Variants in AVP observed in about 807,000 individuals in gnomAD.
The protein encoded by AVP is arginine vasopressin.
AVP carries 9 observed loss-of-function variants against 11.1 expected under a neutral mutation model. The ratio of observed to expected loss-of-function variants is 0.81; its 90% CI spans 0.49 to 1.42. The LOEUF is 1.42. Ranked by LOEUF, AVP falls within the 40% of genes most tolerant of loss-of-function variation. The probability of loss-of-function intolerance (pLI) is 0.00; values close to 1 mark genes in which losing one functional copy is unlikely to be tolerated. For synonymous variants in AVP, 106 were observed against 111.3 expected (o/e 0.95, Z 0.30); for missense variants, 206 against 238.5 (o/e 0.86, Z 0.90).
At position 3,082,692 on chromosome 20, in the gene AVP, G is replaced by T. The variant is rs1044716891; in HGVS notation, c.433C>A (p.Arg145=). The T allele has an allele frequency of 3.1e-5, 40 of 1,292,370 alleles. No individual in the cohort carries two copies. The African/African-American group carries it at 5.4e-4, about 17-fold the overall frequency. 80.1% of individuals were successfully genotyped at this position (1,292,370 alleles called of 1,614,324 possible). ...GGCGCCCCGGCCAGCTGCACCAGCCGCAGCAGCAAGGCCCCGGCCGGCCCG... is the reference window on the plus strand; with the variant it reads ...GGCGCCCCGGCCAGCTGCACCAGCCTCAGCAGCAAGGCCCCGGCCGGCCCG... ...LDGPAGALLL[R]LVQLAGAPEP... Residue 145 remains arginine (R), a synonymous_variant, in exon 3 of 3, where the codon CGG becomes AGG. Transcript: ENST00000380293. The surrounding 1 kb of genome is among the most constrained non-coding windows in gnomAD (Gnocchi z 4.7).
intron 1 of AVP, 45 bp downstream of exon 1, chr20:3,084,510 A>G (rs1337575747): frequency 6.2e-7 from 1 of 1,612,546 alleles, no homozygotes; most frequent in East Asian, 2.2e-5. Context: ...GGGTGTCAGC[A>G]CTGCCCGCTA....
chr20:3,084,675 C>A lies in AVP; in HGVS notation c.-1G>T. 1 of 1,613,218 alleles carries A rather than the reference C, an allele frequency of 6.2e-7. No homozygotes were observed. Among genetic ancestry groups the A allele is most frequent in the Non-Finnish European group, 8.5e-7 (1 of 1,180,018 alleles). On this transcript the variant is annotated 5_prime_UTR_variant, in exon 1 of 3. Coordinates refer to ENST00000380293, the MANE Select transcript of AVP (RefSeq NM_000490.5). ...AGGCGGGCAGCATGGTGTCAGGCAT[C>A]CTGGTGCACACAGGTGGACCCCGTA...
Position 3,082,651 on chromosome 20 carries a change from G to A in AVP, c.474C>T (p.Pro158=). Residue 158 remains proline, a synonymous_variant, in exon 3 of 3, where the codon CCC becomes CCT. Transcript: ENST00000380293. This position sits in a 1 kb window ranked among gnomAD's most constrained non-coding sequence, Gnocchi z 4.7. ...GGGCTCAGTAGGCGTCGGGCTGGGCGGGCTCGAAGGGCTCGGGCGCCCCGG... is the reference window on the plus strand; with the variant it reads ...GGGCTCAGTAGGCGTCGGGCTGGGCAGGCTCGAAGGGCTCGGGCGCCCCGG... ...QLAGAPEPFE[P]AQPDAY is the part of the protein sequence containing the mutation. The A allele has an allele frequency of 7.8e-7, 1 of 1,277,278 alleles. No homozygotes were observed. Among genetic ancestry groups the A allele is most frequent in the East Asian group, 3.2e-5 (1 of 31,496 alleles). The allele number at this position is 1,277,278 out of a possible 1,614,324, so 79.1% of individuals were successfully genotyped here. A position where few individuals can be genotyped will look rare whatever the true frequency, so the allele number is the denominator to read the frequency against.
rs1159441029 is a variant in AVP at position 3,082,756 on chromosome 20, G to A, written c.369C>T (p.Arg123=). ...CGTTGCTCCGGTCGCTGGCGCGGGC[G>A]CGGCGGTGAAAGCCCTCGCGGCACT... ...EPECREGFHR[R]ARASDRSNAT... is the part of the protein sequence containing the mutation. Residue 123 remains arginine (R), a synonymous_variant, in exon 3 of 3, where the codon CGC becomes CGT. Coordinates refer to ENST00000380293, the MANE Select transcript of AVP (RefSeq NM_000490.5). The surrounding 1 kb of genome is among the most constrained non-coding windows in gnomAD (Gnocchi z 4.7). 7.9e-7 allele frequency: 1 copy of A among 1,273,044 alleles called. No homozygotes were observed. Among genetic ancestry groups the A allele is most frequent in the Non-Finnish European group, 9.9e-7 (1 of 1,011,886 alleles). 78.9% of individuals were successfully genotyped at this position (1,273,044 alleles called of 1,614,324 possible). A position where few individuals can be genotyped will look rare whatever the true frequency, so the allele number is the denominator to read the frequency against.
In AVP at chr20:3,083,189, G is replaced by C. The variant is rs932479311; in HGVS notation, c.121-11C>G. On this transcript the variant is annotated splice_polypyrimidine_tract_variant and intron_variant, in intron 1 of 2. Transcript: ENST00000380293. The surrounding 1 kb of genome is among the most constrained non-coding windows in gnomAD (Gnocchi z 5.4). ...GCCGCAGGGGAGGCACTGCGGGGAC[G>C]GGCGGGGTGAGCGGGAGGAGGGGAG... The C allele has an allele frequency of 6.8e-6, 10 of 1,468,166 alleles. No homozygotes were observed. The East Asian group carries it at 1.8e-4, about 26-fold the overall frequency. 90.9% of individuals were successfully genotyped at this position (1,468,166 alleles called of 1,614,324 possible).
chr20:3,082,587 A>C lies in AVP; in HGVS notation c.*43T>G. 12 of 1,235,404 alleles carry C rather than the reference A, an allele frequency of 9.7e-6. No individual in the cohort carries two copies. Among genetic ancestry groups the C allele is most frequent in the Middle Eastern group, 3.1e-4 (1 of 3,186 alleles). The allele number at this position is 1,235,404 out of a possible 1,614,324, so 76.5% of individuals were successfully genotyped here. A position where few individuals can be genotyped will look rare whatever the true frequency, so the allele number is the denominator to read the frequency against. ...GGCGGAGGTTTATTGTCCGTGCTGC[A>C]GGGGCGGGCGCGAAGAGCGCGCCGG... On this transcript the variant is annotated 3_prime_UTR_variant, in exon 3 of 3. Coordinates refer to ENST00000380293, the MANE Select transcript of AVP (RefSeq NM_000490.5). This position sits in a 1 kb window ranked among gnomAD's most constrained non-coding sequence, Gnocchi z 4.7.
chr20:3,083,152 T>G lies in AVP; in HGVS notation c.147A>C (p.Lys49Asn). 1 of 1,512,784 alleles carries G rather than the reference T, an allele frequency of 6.6e-7. No individual in the cohort carries two copies. Among genetic ancestry groups the G allele is most frequent in the Non-Finnish European group, 8.8e-7 (1 of 1,137,954 alleles). The allele number at this position is 1,512,784 out of a possible 1,614,324, so 93.7% of individuals were successfully genotyped here. ...RQCLPCGPGG[K>N]GRCFGPSICC... is the part of the protein sequence containing the mutation. The stretch of plus-strand genomic sequence containing the variant: ...AGATGCTGGGCCCGAAGCAGCGGCC[T>G]TTGCCCCCGGGGCCGCAGGGGAGGC... The change falls in exon 2 of 3, where the codon AAA becomes AAC. Residue 49 changes from lysine (K) to asparagine (N), a missense_variant. By Grantham distance (94) the Lys-to-Asn change is moderately conservative (BLOSUM62 0). This residue lies in a region of AVP where 100 missense variants were observed against 149.3 expected (regional missense o/e 0.67). Coordinates refer to ENST00000380293, the MANE Select transcript of AVP (RefSeq NM_000490.5). The surrounding 1 kb of genome is among the most constrained non-coding windows in gnomAD (Gnocchi z 5.4).
At chr20:3,084,253 T>C (rs926307882) in intron 1 of AVP, among the ~76,000 whole-genome samples, 1 of 152,106 alleles carries the variant, frequency 6.6e-6, no homozygotes, top group African/African-American at 2.4e-5. Flanking sequence ...TGATGCCCCG[T>C]TCTCCCTATC....
At position 3,082,792 on chromosome 20, in the gene AVP, C is replaced by A. The variant is rs1163265042; in HGVS notation, c.333G>T (p.Val111=). Reference sequence around the variant, plus strand: ...AGCCCTCGCGGCACTCGGGCTCGGTCACGCAGCTCTCTGCCGGGAGGACGT... The same window carrying A: ...AGCCCTCGCGGCACTCGGGCTCGGTAACGCAGCTCTCTGCCGGGAGGACGT... The part of the protein sequence containing the change: ...FGVCCNDESC[V]TEPECREGFH... The change falls in exon 3 of 3, where the codon GTG becomes GTT. Residue 111 remains valine (V), a synonymous_variant. Coordinates refer to ENST00000380293, the MANE Select transcript of AVP (RefSeq NM_000490.5). This position sits in a 1 kb window ranked among gnomAD's most constrained non-coding sequence, Gnocchi z 4.7. The A allele has an allele frequency of 1.6e-6, 2 of 1,248,774 alleles. No individual in the cohort carries two copies. The highest frequency in any genetic ancestry group is 6.1e-5 in the South Asian group (2 of 33,008). 77.4% of individuals were successfully genotyped at this position (1,248,774 alleles called of 1,614,324 possible).
rs769735284 is a variant in AVP at position 3,082,925 on chromosome 20, C to A, written c.322+52G>T. On this transcript the variant is annotated intron_variant, in intron 2 of 2. Transcript: ENST00000380293. The surrounding 1 kb of genome is among the most constrained non-coding windows in gnomAD (Gnocchi z 4.7). ...CCCCGCCGCAGGCCCGCGTCCCCCC[C>A]ACCCAAGCGGTCTGCGCCCCCCCCA... The A allele has an allele frequency of 1.7e-5, 19 of 1,093,774 alleles. No homozygotes were observed. The highest frequency in any genetic ancestry group is 2.2e-5 in the Non-Finnish European group (19 of 872,406). The allele number at this position is 1,093,774 out of a possible 1,614,324, so 67.8% of individuals were successfully genotyped here.
rs2066123746 is a variant in AVP, at chr20:3,083,752, AG to A, written c.121-575del. On this transcript the variant is annotated intron_variant, in intron 1 of 2. Coordinates refer to ENST00000380293, the MANE Select transcript of AVP (RefSeq NM_000490.5). This position sits in a 1 kb window ranked among gnomAD's most constrained non-coding sequence, Gnocchi z 5.4. Reference sequence around the variant, plus strand: ...ACCTATGACCTATCAGGTGGGTGGCAGGGGCCTGAGACCTAGAGGCGAGCAC... The same window carrying A: ...ACCTATGACCTATCAGGTGGGTGGCAGGGCCTGAGACCTAGAGGCGAGCAC... 6.6e-6 allele frequency among the ~76,000 whole-genome samples: 1 copy of A among 152,176 alleles called. No individual in the cohort carries two copies. The highest frequency in any genetic ancestry group is 6.5e-5 in the Admixed American group (1 of 15,278).
intron 1 of AVP, 104 bp downstream of exon 1, chr20:3,084,451 T>C: frequency 6.3e-7 from 1 of 1,589,392 alleles, no homozygotes. Context: ...GAACTTCCCC[T>C]AAAGGCTACC....
Position 3,083,164 on chromosome 20 carries a change from G to C in AVP, c.135C>G (p.Gly45=). The C allele has an allele frequency of 2.0e-6, 3 of 1,503,212 alleles. No individual in the cohort carries two copies. Among genetic ancestry groups the C allele is most frequent in the East Asian group, 5.5e-5 (2 of 36,384 alleles). 93.1% of individuals were successfully genotyped at this position (1,503,212 alleles called of 1,614,324 possible). The part of the protein sequence containing the change: ...DLELRQCLPC[G]PGGKGRCFGP... ...CGAAGCAGCGGCCTTTGCCCCCGGGGCCGCAGGGGAGGCACTGCGGGGACG... is the reference window on the plus strand; with the variant it reads ...CGAAGCAGCGGCCTTTGCCCCCGGGCCCGCAGGGGAGGCACTGCGGGGACG... The change falls in exon 2 of 3, where the codon GGC becomes GGG. Residue 45 remains glycine (G), a synonymous_variant. Coordinates refer to ENST00000380293, the MANE Select transcript of AVP (RefSeq NM_000490.5). This position sits in a 1 kb window ranked among gnomAD's most constrained non-coding sequence, Gnocchi z 5.4.
chr20:3,083,035 G>T lies in AVP; in HGVS notation c.264C>A (p.Gly88=), dbSNP rs756084110. The part of the protein sequence containing the change: ...ENYLPSPCQS[G]QKACGSGGRC... The stretch of plus-strand genomic sequence containing the variant: ...GGCCCCCGCTCCCGCACGCCTTCTG[G>T]CCGGACTGGCAGGGCGACGGCAGGT... The change falls in exon 2 of 3, where the codon GGC becomes GGA. Residue 88 remains glycine (G), a synonymous_variant. Transcript: ENST00000380293. The surrounding 1 kb of genome is among the most constrained non-coding windows in gnomAD (Gnocchi z 5.4). 6.4e-7 allele frequency: 1 copy of T among 1,560,050 alleles called. No homozygotes were observed. The highest frequency in any genetic ancestry group is 1.2e-5 in the South Asian group (1 of 86,698).
chr20:3,084,342 G>A lies in AVP; in HGVS notation c.120+213C>T, dbSNP rs560995711. 7.6e-4 allele frequency among the ~76,000 whole-genome samples: 115 copies of A among 152,242 alleles called. 1 individual carries two copies. Among genetic ancestry groups the A allele is most frequent in the Non-Finnish European group, 1.1e-3 (77 of 68,006 alleles). ...CTGGATGGCGACAGTGACCAGGAGC[G>A]CCTTCAGCCTCTCCCAGCCTCCTCC... On this transcript the variant is annotated intron_variant, in intron 1 of 2. Coordinates refer to ENST00000380293, the MANE Select transcript of AVP (RefSeq NM_000490.5).
chr20:3,082,941 G>GCA lies in AVP; in HGVS notation c.322+35_322+36insTG. On this transcript the variant is annotated intron_variant, in intron 2 of 2. Coordinates refer to ENST00000380293, the MANE Select transcript of AVP (RefSeq NM_000490.5). The surrounding 1 kb of genome is among the most constrained non-coding windows in gnomAD (Gnocchi z 4.7). Reference sequence around the variant, plus strand: ...CGTCCCCCCCACCCAAGCGGTCTGCGCCCCCCCCAGCCCCAGGCCCGCCCC... The same window carrying GCA: ...CGTCCCCCCCACCCAAGCGGTCTGCGCACCCCCCCCAGCCCCAGGCCCGCCCC... The GCA allele has an allele frequency of 9.1e-7, 1 of 1,100,526 alleles. No homozygotes were observed. Among genetic ancestry groups the GCA allele is most frequent in the South Asian group, 2.6e-5 (1 of 39,188 alleles). The allele number at this position is 1,100,526 out of a possible 1,614,324, so 68.2% of individuals were successfully genotyped here. A position where few individuals can be genotyped will look rare whatever the true frequency, so the allele number is the denominator to read the frequency against.
chr20:3,082,700 A>G lies in AVP; in HGVS notation c.425T>C (p.Leu142Ser). Residue 142 changes from leucine (L) to serine (S), a missense_variant, in exon 3 of 3, where the codon TTG (leucine) becomes TCG (serine). This residue lies in a region of AVP where 106 missense variants were observed against 89.2 expected (regional missense o/e 1.19). Coordinates refer to ENST00000380293, the MANE Select transcript of AVP (RefSeq NM_000490.5). This position sits in a 1 kb window ranked among gnomAD's most constrained non-coding sequence, Gnocchi z 4.7. ...GGCCAGCTGCACCAGCCGCAGCAGC[A>G]AGGCCCCGGCCGGCCCGTCCAGCTG... The part of the protein sequence containing the change: ...ATQLDGPAGA[L>S]LLRLVQLAGA... 1.5e-6 allele frequency: 2 copies of G among 1,292,838 alleles called. No homozygotes were observed. Among genetic ancestry groups the G allele is most frequent in the Non-Finnish European group, 2.0e-6 (2 of 1,023,384 alleles). The allele number at this position is 1,292,838 out of a possible 1,614,324, so 80.1% of individuals were successfully genotyped here. A position where few individuals can be genotyped will look rare whatever the true frequency, so the allele number is the denominator to read the frequency against.
chr20:3,084,580 G>GC lies in AVP; in HGVS notation c.94dup (p.Ala32GlyfsTer40). The GC allele has an allele frequency of 6.2e-7, 1 of 1,613,928 alleles. No homozygotes were observed. Reference sequence around the variant, plus strand: ...CTGTCTCAGCTCCAGGTCGGACATGGCCCTCTTGCCGCCCCTCGGGCAGTT... The same window carrying GC: ...CTGTCTCAGCTCCAGGTCGGACATGGCCCCTCTTGCCGCCCCTCGGGCAGTT... On this transcript the variant is annotated frameshift_variant, in exon 1 of 3. Transcript: ENST00000380293. LOFTEE classifies it high-confidence loss of function.
At position 3,082,949 on chromosome 20, in the gene AVP, C is replaced by CA. The variant is rs2066118578; in HGVS notation, c.322+27dup. ...CCACCCAAGCGGTCTGCGCCCCCCC[C>CA]AGCCCCAGGCCCGCCCCCGCCGCGC... On this transcript the variant is annotated intron_variant, in intron 2 of 2. Coordinates refer to ENST00000380293, the MANE Select transcript of AVP (RefSeq NM_000490.5). This position sits in a 1 kb window ranked among gnomAD's most constrained non-coding sequence, Gnocchi z 4.7. 7.4e-7 allele frequency: 1 copy of CA among 1,351,280 alleles called. No individual in the cohort carries two copies. The highest frequency in any genetic ancestry group is 9.5e-7 in the Non-Finnish European group (1 of 1,053,966). 83.7% of individuals were successfully genotyped at this position (1,351,280 alleles called of 1,614,324 possible). A position where few individuals can be genotyped will look rare whatever the true frequency, so the allele number is the denominator to read the frequency against.
Sources: allele counts gnomAD v4.1 joint callset (sites outside exome capture counted in the v4.1 genomes callset), GRCh38; gene constraint gnomAD v4.1.1; regional missense constraint gnomAD v4.1.1; non-coding constraint Gnocchi (gnomAD v3.1); transcripts MANE v1.5; gene names NCBI Gene and HGNC (gene_info 2026-07-23, HGNC 2026-07-21).